Variants in LY6H observed in about 807,000 individuals in gnomAD.
LY6H encodes lymphocyte antigen 6 family member H, also known as lymphocyte antigen 6H.
LY6H carries 8 observed loss-of-function variants against 14.6 expected under a neutral mutation model. The ratio of observed to expected loss-of-function variants is 0.55; its 90% CI spans 0.32 to 0.99. The LOEUF (loss-of-function observed/expected upper bound fraction) is 0.99. LY6H is among the 50% of genes least tolerant of loss of function. The probability of loss-of-function intolerance (pLI) is 0.04; values close to 1 mark genes in which losing one functional copy is unlikely to be tolerated. For missense variants in LY6H, 196 were observed against 219.6 expected, an observed-to-expected ratio of 0.89 and a Z score of 0.68; for synonymous variants, 115 against 97.2, an observed-to-expected ratio of 1.18 and a Z score of -1.08.
chr8:143,158,948 G>A (rs749081187), intron 2 of LY6H, 26 bp from the exon 3 acceptor site: 1 of 1,611,056 alleles, frequency 6.2e-7, no homozygotes, highest in East Asian at 2.2e-5. Flanking sequence ...GGAGGAGGGT[G>A]ACCAGAGGCA....
At position 143,160,294 on chromosome 8, in the gene LY6H, T is replaced by A. The variant is rs938954499; in HGVS notation, c.-95A>T. On this transcript the variant is annotated 5_prime_UTR_variant, in exon 1 of 4. Transcript: ENST00000342752. The stretch of plus-strand genomic sequence containing the variant: ...TGCGGACCGGAATCCGGGCGCAGCC[T>A]CGTCTTTCGGGGAACGCAGCCGCAG... 2 of 1,085,750 alleles carry A rather than the reference T, an allele frequency of 1.8e-6. No individual in the cohort carries two copies. Among genetic ancestry groups the A allele is most frequent in the East Asian group, 6.4e-5 (2 of 31,058 alleles). 67.3% of individuals were successfully genotyped at this position (1,085,750 alleles called of 1,614,324 possible).
rs1815504562 is a variant in LY6H at position 143,158,421 on chromosome 8, A to G, written c.315T>C (p.Phe105=). 2 of 1,614,018 alleles carry G rather than the reference A, an allele frequency of 1.2e-6. No homozygotes were observed. Among genetic ancestry groups the G allele is most frequent in the Non-Finnish European group, 1.7e-6 (2 of 1,180,002 alleles). ...TAAACCCCATCAGATAGTCTGAGAA[A>G]AAGTGTCGCTTAACGAAGTCACAGG... ...ASSCDFVKRH[F]FSDYLMGFIN... Residue 105 remains phenylalanine (F), a synonymous_variant, in exon 4 of 4, where the codon TTT becomes TTC. Coordinates refer to ENST00000342752, the MANE Select transcript of LY6H (RefSeq NM_001135655.2).
rs180849032 is a variant in LY6H, at chr8:143,159,028, C to G, written c.131-106G>C. ...CCTGCTGCAGGCACTCCTGGGAGAG[C>G]CCGACCCCACGGGAGGGAGCAGGCC... is the stretch of plus-strand genomic sequence containing the variant. On this transcript the variant is annotated intron_variant, in intron 2 of 3. Coordinates refer to ENST00000342752, the MANE Select transcript of LY6H (RefSeq NM_001135655.2). 1.0e-5 allele frequency: 15 copies of G among 1,473,494 alleles called. No homozygotes were observed. The African/African-American group carries it at 1.9e-4, about 19-fold the overall frequency. The allele number at this position is 1,473,494 out of a possible 1,614,324, so 91.3% of individuals were successfully genotyped here. A position where few individuals can be genotyped will look rare whatever the true frequency, so the allele number is the denominator to read the frequency against.
rs1020867475 is a variant in LY6H, at chr8:143,159,660, G to A, written c.52C>T (p.Pro18Ser). Residue 18 changes from proline (P) to serine (S), a missense_variant, in exon 2 of 4, where the codon CCC becomes TCC. Physicochemically the swap from Pro to Ser is moderately conservative, Grantham distance 74. Coordinates refer to ENST00000342752, the MANE Select transcript of LY6H (RefSeq NM_001135655.2). ...RAPSPRAAPR[P>S]TRSMLPAAMK... ...GCTGCAGGCAGCATGCTCCGGGTGG[G>A]CCTGGGGGCGGCGCGGGGGCTTGGG... The A allele has an allele frequency of 4.3e-6, 6 of 1,409,608 alleles. No individual in the cohort carries two copies. The highest frequency in any genetic ancestry group is 1.5e-5 in the African/African-American group (1 of 65,822). The allele number at this position is 1,409,608 out of a possible 1,614,324, so 87.3% of individuals were successfully genotyped here.
chr8:143,159,312 G>C (rs1815534824), intron 2 of LY6H: 1 of 541,454 alleles, frequency 1.8e-6, no homozygotes, highest in Non-Finnish European at 3.3e-6. Context: ...AGGCCCGGGA[G>C]GCTCTCAGAG....
At chr8:143,160,612 C>G (rs925915386), upstream of LY6H, 1 of 152,038 alleles carries the variant, frequency 6.6e-6, no homozygotes, top group African/African-American at 2.4e-5. Flanking sequence ...CTCGGAAGAA[C>G]GTTTACTGCG....
rs1325685384 is a variant in LY6H at position 143,158,142 on chromosome 8, A to T, written c.*108T>A. ...GGAGTGAGAGCCACAGGCCACAGCC[A>T]CGGAGCTGGGCCAAGGCTGCCCCCA... is the stretch of plus-strand genomic sequence containing the variant. On this transcript the variant is annotated 3_prime_UTR_variant, in exon 4 of 4. Coordinates refer to ENST00000342752, the MANE Select transcript of LY6H (RefSeq NM_001135655.2). 1.4e-6 allele frequency: 1 copy of T among 710,938 alleles called. No homozygotes were observed. The highest frequency in any genetic ancestry group is 2.3e-6 in the Non-Finnish European group (1 of 428,480). 44.0% of individuals were successfully genotyped at this position (710,938 alleles called of 1,614,324 possible).
intron 1 of LY6H, 30 bp downstream of exon 1, chr8:143,160,168 G>T: frequency 7.8e-7 from 1 of 1,278,524 alleles, no homozygotes; most frequent in Non-Finnish European, 9.9e-7. Flanking sequence ...GGCGTGGAGC[G>T]CGGGCCTCGG....
At position 143,159,679 on chromosome 8, in the gene LY6H, G is replaced by T. The variant is rs1169747188; in HGVS notation, c.33C>A (p.Ser11Arg). Reference sequence around the variant, plus strand: ...GGGTGGGCCTGGGGGCGGCGCGGGGGCTTGGGGCGCGGGTCCTCTGGGGCG... The same window carrying T: ...GGGTGGGCCTGGGGGCGGCGCGGGGTCTTGGGGCGCGGGTCCTCTGGGGCG... Reference protein sequence around the residue: MLAPQRTRAPSPRAAPRPTRS... With the variant: MLAPQRTRAPRPRAAPRPTRS... Residue 11 changes from serine (S) to arginine (R), a missense_variant, in exon 2 of 4, where the codon AGC becomes AGA. Transcript: ENST00000342752. The T allele has an allele frequency of 7.9e-6, 11 of 1,394,414 alleles. No individual in the cohort carries two copies. The highest frequency in any genetic ancestry group is 1.0e-5 in the Non-Finnish European group (11 of 1,085,028). The allele number at this position is 1,394,414 out of a possible 1,614,324, so 86.4% of individuals were successfully genotyped here.
rs1172635948 is a variant in LY6H, at chr8:143,158,477, C to A, written c.259G>T (p.Asp87Tyr). 1.9e-6 allele frequency: 3 copies of A among 1,612,418 alleles called. No individual in the cohort carries two copies. Among genetic ancestry groups the A allele is most frequent in the Non-Finnish European group, 2.5e-6 (3 of 1,178,768 alleles). Residue 87 changes from aspartate to tyrosine, a missense_variant, in exon 4 of 4, where the codon GAT (aspartate) becomes TAT (tyrosine). Transcript: ENST00000342752. ...GCACACATCTTGTTCACCGAGTGAT[C>A]CTTCCTGCCTGGGAAGAGAAAGCGT... ...RITDPSSSRKDHSVNKMCASS... is the reference protein window; with the variant it reads ...RITDPSSSRKYHSVNKMCASS...
chr8:143,159,425 G>T, intron 2 of LY6H, 157 bp downstream of exon 2: 3 of 832,378 alleles, frequency 3.6e-6, no homozygotes, highest in Non-Finnish European at 5.2e-6. Flanking sequence ...CAGAGGGGCC[G>T]AGGGCCGGGC....
intron 2 of LY6H, 123 bp from the exon 3 acceptor site, chr8:143,159,045 G>C: frequency 7.3e-7 from 1 of 1,369,166 alleles, no homozygotes; most frequent in African/African-American, 1.4e-5. Flanking sequence ...CCACGGGAGG[G>C]AGCAGGCCCC....
chr8:143,159,498 A>C, intron 2 of LY6H, 84 bp downstream of exon 2: 1 of 1,386,128 alleles, frequency 7.2e-7, no homozygotes, highest in South Asian at 1.5e-5. Context: ...GAACCGTCAG[A>C]GGGTGGCAGC....
chr8:143,157,954 G>A lies in LY6H; in HGVS notation c.*296C>T, dbSNP rs1025299857. ...GTGACTTTATTTCTCCGCAGAAGACGCCCTTCCAGCTGGGCTGTTGCTTCA... is the reference window on the plus strand; with the variant it reads ...GTGACTTTATTTCTCCGCAGAAGACACCCTTCCAGCTGGGCTGTTGCTTCA... On this transcript the variant is annotated 3_prime_UTR_variant, in exon 4 of 4. Coordinates refer to ENST00000342752, the MANE Select transcript of LY6H (RefSeq NM_001135655.2). 1.6e-4 allele frequency: 67 copies of A among 425,430 alleles called. No individual in the cohort carries two copies. Among genetic ancestry groups the A allele is most frequent in the African/African-American group, 6.7e-4 (33 of 49,202 alleles). 26.4% of individuals were successfully genotyped at this position (425,430 alleles called of 1,614,324 possible).
Position 143,158,496 on chromosome 8 carries a change from A to G in LY6H, c.251-11T>C. 1 of 1,601,288 alleles carries G rather than the reference A, an allele frequency of 6.2e-7. No individual in the cohort carries two copies. Among genetic ancestry groups the G allele is most frequent in the Non-Finnish European group, 8.6e-7 (1 of 1,168,690 alleles). On this transcript the variant is annotated splice_polypyrimidine_tract_variant and intron_variant, in intron 3 of 3. Transcript: ENST00000342752. ...AGTGATCCTTCCTGCCTGGGAAGAG[A>G]AAGCGTGGCCTGGGACGGGGGCTCC...
chr8:143,159,452 C>G, intron 2 of LY6H, 130 bp downstream of exon 2: 1 of 1,132,248 alleles, frequency 8.8e-7, no homozygotes, highest in Non-Finnish European at 1.2e-6. Flanking sequence ...CGCAGGGGTC[C>G]CGGAGGGGGC....
Position 143,158,880 on chromosome 8 carries a change from G to A in LY6H, c.173C>T (p.Ser58Phe), listed in dbSNP as rs1563693354. 1.9e-6 allele frequency: 3 copies of A among 1,613,298 alleles called. No individual in the cohort carries two copies. In the South Asian group the frequency reaches 3.3e-5, roughly 18 times the overall value. ...WCQDCTLTTNSSHCTPKQCQP... is the reference protein window; with the variant it reads ...WCQDCTLTTNFSHCTPKQCQP... ...GCACTGCTTTGGGGTGCAATGGCTG[G>A]AGTTGGTGGTCAGGGTGCAGTCCTG... Residue 58 changes from serine (S) to phenylalanine (F), a missense_variant, in exon 3 of 4, where the codon TCC (serine) becomes TTC (phenylalanine). By Grantham distance (155) the Ser-to-Phe change is radical. Transcript: ENST00000342752.
chr8:143,159,944 G>A (rs1815557964), intron 1 of LY6H: 6 of 1,242,180 alleles, frequency 4.8e-6, no homozygotes, highest in Non-Finnish European at 6.0e-6. Context: ...ACCTGTGTGG[G>A]GGAGCGGATG....
Position 143,159,700 on chromosome 8 carries a change from G to A in LY6H, c.12C>T (p.Pro4=), listed in dbSNP as rs976262161. The change falls in exon 2 of 4, where the codon CCC becomes CCT. Residue 4 remains proline, a synonymous_variant. Coordinates refer to ENST00000342752, the MANE Select transcript of LY6H (RefSeq NM_001135655.2). ...GGGGGCTTGGGGCGCGGGTCCTCTG[G>A]GGCGCAAGCCTGGAGGGGAGAAGCA... MLA[P]QRTRAPSPRA... 8.0e-6 allele frequency: 11 copies of A among 1,379,636 alleles called. No homozygotes were observed. The Admixed American group carries it at 1.1e-4, about 14-fold the overall frequency. 85.5% of individuals were successfully genotyped at this position (1,379,636 alleles called of 1,614,324 possible).
Sources: gnomAD v4.1 joint callset for allele counts on GRCh38, gnomAD v4.1.1 for gene constraint, MANE v1.5 for transcripts, NCBI Gene and HGNC (gene_info 2026-07-23, HGNC 2026-07-21) for gene names.